RCL1: variants seen among roughly 807,000 people sequenced by gnomAD.
The protein encoded by RCL1 is RNA terminal phosphate cyclase like 1.
In RCL1, 24 loss-of-function variants were observed where a neutral mutation model predicts 42.4. The observed-to-expected ratio is 0.57, with a 90% CI of 0.41 to 0.80. The LOEUF (loss-of-function observed/expected upper bound fraction) is 0.80, where lower values mean the gene tolerates loss of function less well. Among genes scored for constraint, RCL1 ranks in the 30% least tolerant of loss-of-function variants. RCL1 has a pLI of 0.00. For missense variants in RCL1, 578 were observed against 467.9 expected, an observed-to-expected ratio of 1.24 and a Z score of -2.17; for synonymous variants, 228 against 177.3, an observed-to-expected ratio of 1.29 and a Z score of -2.27.
intron 1 of RCL1, among the ~76,000 whole-genome samples, chr9:4,801,693 T>G (rs999490207): frequency 6.6e-6 from 1 of 151,938 alleles, no homozygotes; most frequent in Non-Finnish European, 1.5e-5. Context: ...TGCCTAGCTT[T>G]AGGTGCGAGA....
intron 5 of RCL1, among the ~76,000 whole-genome samples, chr9:4,837,383 A>G (rs903041231): frequency 1.3e-5 from 2 of 152,170 alleles, no homozygotes; most frequent in South Asian, 2.1e-4. Context: ...ACACTTTCCA[A>G]TACATTCCAA....
At chr9:4,809,630 A>C (rs1031318329) in intron 1 of RCL1, among the ~76,000 whole-genome samples, 1 of 152,198 alleles carries the variant, frequency 6.6e-6, no homozygotes, top group Admixed American at 6.5e-5. Context: ...TTTAAAAAAG[A>C]AATAGAAAAA....
chr9:4,855,760 G>C (rs1817938665), intron 8 of RCL1, among the ~76,000 whole-genome samples: 1 of 152,116 alleles, frequency 6.6e-6, no homozygotes, highest in African/African-American at 2.4e-5. Context: ...CTCTTACACA[G>C]TCTTCCTTGG....
chr9:4,851,477 G>C (rs1347178846), intron 8 of RCL1, among the ~76,000 whole-genome samples: 1 of 152,238 alleles, frequency 6.6e-6, no homozygotes, highest in Non-Finnish European at 1.5e-5. Context: ...GACAGCTCCA[G>C]CAGCACAAAG....
At chr9:4,799,933 G>C (rs1418297134) in intron 1 of RCL1, among the ~76,000 whole-genome samples, 1 of 152,202 alleles carries the variant, frequency 6.6e-6, no homozygotes. Flanking sequence ...TGATATGGCA[G>C]ACGTTCATAT....
intron 8 of RCL1, among the ~76,000 whole-genome samples, chr9:4,851,971 C>T (rs1249268415): frequency 1.3e-5 from 2 of 150,880 alleles, no homozygotes; most frequent in African/African-American, 2.4e-5. Flanking sequence ...AGCTCCGCCT[C>T]CCGGGTTCAA....
intron 1 of RCL1, among the ~76,000 whole-genome samples, chr9:4,811,519 A>G (rs990876451): frequency 2.6e-5 from 4 of 152,060 alleles, no homozygotes; most frequent in African/African-American, 9.7e-5. Context: ...TGTGGTATTT[A>G]TCTTTCTGTG....
At chr9:4,850,525 G>A in intron 8 of RCL1, 2 of 226,094 alleles carry the variant, frequency 8.8e-6, no homozygotes, top group Non-Finnish European at 1.9e-5. Context: ...TTCGTGGTGG[G>A]AGGTTTTTTT....
intron 3 of RCL1, among the ~76,000 whole-genome samples, chr9:4,830,477 A>G (rs2131009484): frequency 6.6e-6 from 1 of 152,328 alleles, no homozygotes; most frequent in South Asian, 2.1e-4. Flanking sequence ...CTTAGAGGCA[A>G]GAGAATAGAA....
intron 1 of RCL1, among the ~76,000 whole-genome samples, chr9:4,793,579 CAGTT>C (rs1049627748): frequency 9.2e-5 from 14 of 152,204 alleles, no homozygotes; most frequent in Non-Finnish European, 2.1e-4. Flanking sequence ...AGGAGAAAAA[CAGTT>C]TGTTGGACCG....
rs546324620 is a variant in RCL1, at chr9:4,815,390, C to T, written c.137-8158C>T. Among the ~76,000 whole-genome samples, 5 of 150,916 alleles carry T rather than the reference C, an allele frequency of 3.3e-5. No individual in the cohort carries two copies. In the East Asian group the frequency reaches 7.8e-4, roughly 23 times the overall value. On this transcript the variant is annotated intron_variant, in intron 1 of 8. Coordinates refer to ENST00000381750, the MANE Select transcript of RCL1 (RefSeq NM_005772.5). Reference sequence around the variant, plus strand: ...TGTGTCTTATGCTTGATCATGTCTGCTATTTTAGTTCTATTATATTTATTT... The same window carrying T: ...TGTGTCTTATGCTTGATCATGTCTGTTATTTTAGTTCTATTATATTTATTT...
rs1054099682 is a variant in RCL1, at chr9:4,841,073, A to T, written c.585-159A>T. 11 of 706,584 alleles carry T rather than the reference A, an allele frequency of 1.6e-5. No homozygotes were observed. The African/African-American group carries it at 1.8e-4, about 12-fold the overall frequency. The allele number at this position is 706,584 out of a possible 1,614,324, so 43.8% of individuals were successfully genotyped here. A position where few individuals can be genotyped will look rare whatever the true frequency, so the allele number is the denominator to read the frequency against. Reference sequence around the variant, plus strand: ...ATGACCTTTTATAATAATGAAAAAAATTTAATTATGGTACTAATTCAGTAA... The same window carrying T: ...ATGACCTTTTATAATAATGAAAAAATTTTAATTATGGTACTAATTCAGTAA... On this transcript the variant is annotated intron_variant, in intron 5 of 8. Coordinates refer to ENST00000381750, the MANE Select transcript of RCL1 (RefSeq NM_005772.5).
chr9:4,818,833 G>A (rs1170849411), intron 1 of RCL1, among the ~76,000 whole-genome samples: 1 of 145,758 alleles, frequency 6.9e-6, no homozygotes, highest in African/African-American at 2.6e-5. Context: ...GGTCTTGCCA[G>A]TGCACTCCAG....
intron 5 of RCL1, among the ~76,000 whole-genome samples, chr9:4,837,032 G>A (rs982018248): frequency 2.0e-5 from 3 of 152,118 alleles, no homozygotes; most frequent in African/African-American, 7.2e-5. Context: ...GAGCCCCCAG[G>A]TTGATGCATA....
intron 1 of RCL1, among the ~76,000 whole-genome samples, chr9:4,802,621 T>G (rs1353776418): frequency 6.6e-6 from 1 of 151,026 alleles, no homozygotes; most frequent in Non-Finnish European, 1.5e-5. Context: ...GTTTACAAAA[T>G]GTTCATTTTT....
intron 1 of RCL1, among the ~76,000 whole-genome samples, chr9:4,810,676 AATGCTGGATCGTAGG>A (rs1816143756): frequency 1.3e-5 from 2 of 152,162 alleles, no homozygotes; most frequent in African/African-American, 4.8e-5. Context: ...CTCTTGCCTG[AATGCTGGATCGTAGG>A]GTGTGCCTAT....
intron 1 of RCL1, chr9:4,803,677 G>T (rs138518362): frequency 6.6e-6 from 1 of 152,124 alleles, no homozygotes; most frequent in Non-Finnish European, 1.5e-5. Context: ...CATGATTGTA[G>T]TGCTTCCCAG....
intron 1 of RCL1, among the ~76,000 whole-genome samples, chr9:4,807,556 G>A (rs1216169756): frequency 1.3e-5 from 2 of 152,132 alleles, no homozygotes; most frequent in South Asian, 2.1e-4. Context: ...TTTCACTCTT[G>A]TTGTCCAGGC....
chr9:4,795,032 C>T (rs1006375536), intron 1 of RCL1, among the ~76,000 whole-genome samples: 7 of 152,156 alleles, frequency 4.6e-5, no homozygotes, highest in African/African-American at 1.4e-4. Context: ...TACATCCTTG[C>T]GCTGGCTTCA....
Sources: allele counts gnomAD v4.1 joint callset (sites outside exome capture counted in the v4.1 genomes callset), GRCh38; gene constraint gnomAD v4.1.1; transcripts MANE v1.5; gene names NCBI Gene and HGNC (gene_info 2026-07-23, HGNC 2026-07-21).